The following ALPK1 variants were observed in gnomAD, a reference collection of about 807,000 sequenced individuals.
ALPK1 encodes alpha kinase 1.
ALPK1 carries 110 observed loss-of-function variants against 120.6 expected under a neutral mutation model. That is an observed-to-expected ratio of 0.91 (90% confidence interval 0.78 to 1.07). The LOEUF is 1.07. Ranked by LOEUF, ALPK1 falls within the 50% of genes least tolerant of loss-of-function variation. The pLI is 0.00. For missense variants in ALPK1, 1,498 were observed against 1,483.9 expected (o/e 1.01, Z -0.16); for synonymous variants, 582 against 560.3 (o/e 1.04, Z -0.55).
chr4:112,352,632 T>C (rs189770312), intron 2 of ALPK1: 1 of 152,336 alleles, frequency 6.6e-6, no homozygotes, highest in Non-Finnish European at 1.5e-5. Context: ...TGTATTATTT[T>C]TGTTTTTCTA....
chr4:112,355,894 G>A (rs1194208429), intron 2 of ALPK1, among the ~76,000 whole-genome samples: 5 of 152,246 alleles, frequency 3.3e-5, no homozygotes, highest in Non-Finnish European at 5.9e-5. Flanking sequence ...CGGTGGCAGC[G>A]CTCGACTGGA....
At chr4:112,417,590 A>G (rs538391052) in intron 5 of ALPK1, among the ~76,000 whole-genome samples, 2 of 152,192 alleles carry the variant, frequency 1.3e-5, no homozygotes, top group African/African-American at 4.8e-5. Flanking sequence ...AGGCCAAGCA[A>G]TCCTCCCACT....
intron 2 of ALPK1, among the ~76,000 whole-genome samples, chr4:112,326,435 A>C (rs576178726): frequency 1.3e-5 from 2 of 152,282 alleles, no homozygotes; most frequent in East Asian, 3.9e-4. Context: ...TTTCATTTAC[A>C]TCTGTAGGTA....
At chr4:112,422,393 T>C (rs575402857) in intron 5 of ALPK1, among the ~76,000 whole-genome samples, 2 of 152,280 alleles carry the variant, frequency 1.3e-5, no homozygotes, top group South Asian at 2.1e-4. Context: ...TTCCTGGGTA[T>C]CTCCCTAGCT....
At chr4:112,343,784 A>T (rs1022203634) in intron 2 of ALPK1, among the ~76,000 whole-genome samples, 3 of 121,308 alleles carry the variant, frequency 2.5e-5, no homozygotes, top group Non-Finnish European at 4.8e-5. Flanking sequence ...ATTGGCTGAG[A>T]CCACCAGAAT....
At chr4:112,388,282 T>C (rs916624023) in intron 4 of ALPK1, among the ~76,000 whole-genome samples, 1 of 152,214 alleles carries the variant, frequency 6.6e-6, no homozygotes, top group Non-Finnish European at 1.5e-5. Context: ...TATTGCAAGA[T>C]TGCAGAAAAT....
intron 2 of ALPK1, among the ~76,000 whole-genome samples, chr4:112,339,526 ACTTTT>A (rs1729767521): frequency 6.6e-6 from 1 of 152,188 alleles, no homozygotes; most frequent in South Asian, 2.1e-4. Flanking sequence ...TCTTTATAAC[ACTTTT>A]CTTTTAAAAA....
chr4:112,301,393 GC>G, intron 1 of ALPK1, among the ~76,000 whole-genome samples: 1 of 152,226 alleles, frequency 6.6e-6, no homozygotes, highest in African/African-American at 2.4e-5. Context: ...CTTGGTTTAG[GC>G]TTCTGAAGGC....
In ALPK1 at chr4:112,431,183, C is replaced by T. The variant is rs1388112183; in HGVS notation, c.1636C>T (p.Arg546Ter). Reference protein sequence around the residue: ...RRNWTHSDAFRVSLDQDVETE... With the variant: ...RRNWTHSDAF ...AAACTGGACCCATTCTGATGCATTTCGAGTCTCCTTGGATCAAGATGTGGA... is the reference window on the plus strand; with the variant it reads ...AAACTGGACCCATTCTGATGCATTTTGAGTCTCCTTGGATCAAGATGTGGA... The change falls in exon 11 of 16, where the codon CGA (arginine) becomes TGA (stop). Residue 546 changes from arginine (R) to a stop codon, truncating the protein, a stop_gained. Transcript: ENST00000650871. LOFTEE classifies it high-confidence loss of function. 1.7e-5 allele frequency: 27 copies of T among 1,614,052 alleles called. No individual in the cohort carries two copies. The highest frequency in any genetic ancestry group is 2.2e-5 in the Non-Finnish European group (26 of 1,180,042).
intron 2 of ALPK1, among the ~76,000 whole-genome samples, chr4:112,323,445 A>G (rs919198481): frequency 1.3e-5 from 2 of 152,146 alleles, no homozygotes; most frequent in Non-Finnish European, 2.9e-5. Flanking sequence ...TCATCCTTAT[A>G]TCACCTTACA....
chr4:112,385,545 T>G (rs1258905059), intron 4 of ALPK1, among the ~76,000 whole-genome samples: 1 of 152,164 alleles, frequency 6.6e-6, no homozygotes, highest in Non-Finnish European at 1.5e-5. Context: ...TCCTAATGAC[T>G]TTTAGGATGT....
At chr4:112,302,138 C>T (rs1054158957) in intron 1 of ALPK1, among the ~76,000 whole-genome samples, 1 of 152,154 alleles carries the variant, frequency 6.6e-6, no homozygotes, top group Non-Finnish European at 1.5e-5. Flanking sequence ...TCTGTCAAGA[C>T]CTCTAGGTGC....
Position 112,440,945 on chromosome 4 carries a change from C to T in ALPK1, c.3567C>T (p.Leu1189=). ...GGGTAACCGGTAATGGAAAAGGACT[C>T]ATCTACCTCACAGATCCCCAGATTC... is the stretch of plus-strand genomic sequence containing the variant. ...QGWVTGNGKG[L]IYLTDPQIHS... The change falls in exon 15 of 16, where the codon CTC becomes CTT. Residue 1189 remains leucine, a synonymous_variant. Coordinates refer to ENST00000650871, the MANE Select transcript of ALPK1 (RefSeq NM_025144.4). 6.2e-7 allele frequency: 1 copy of T among 1,613,334 alleles called. No homozygotes were observed. Among genetic ancestry groups the T allele is most frequent in the Non-Finnish European group, 8.5e-7 (1 of 1,179,670 alleles).
chr4:112,411,448 A>C lies in ALPK1; in HGVS notation c.277-379A>C, dbSNP rs536859924. ...CCATGTTGGCCAGGCTGGTCTCAAA[A>C]TCCAGGCCTCAAGAGATCCACACGC... is the stretch of plus-strand genomic sequence containing the variant. On this transcript the variant is annotated intron_variant, in intron 4 of 15. Transcript: ENST00000650871. 5.4e-5 allele frequency among the ~76,000 whole-genome samples: 8 copies of C among 149,336 alleles called. No homozygotes were observed. In the East Asian group the frequency reaches 1.6e-3, roughly 30 times the overall value.
Position 112,441,063 on chromosome 4 carries a change from T to C in ALPK1, c.3685T>C (p.Cys1229Arg). ...NNQHVECNEI[C>R]HRLSLTRPSM... ...CCAGCATGTGGAATGTAATGAAATC[T>C]GCCATCGTCTTTCTTTGACTAGACC... Residue 1229 changes from cysteine to arginine, a missense_variant, in exon 15 of 16, where the codon TGC becomes CGC. Physicochemically the swap from Cys to Arg is radical, Grantham distance 180 (BLOSUM62 -3). Transcript: ENST00000650871. 6.2e-7 allele frequency: 1 copy of C among 1,613,970 alleles called. No homozygotes were observed. Among genetic ancestry groups the C allele is most frequent in the Non-Finnish European group, 8.5e-7 (1 of 1,179,866 alleles).
chr4:112,376,219 G>A (rs762980708), intron 2 of ALPK1, among the ~76,000 whole-genome samples: 1 of 152,206 alleles, frequency 6.6e-6, no homozygotes, highest in Non-Finnish European at 1.5e-5. Context: ...CTTGCTCTTA[G>A]TGACTAATTC....
intron 4 of ALPK1, among the ~76,000 whole-genome samples, chr4:112,393,052 A>T (rs1482648124): frequency 6.6e-6 from 1 of 152,232 alleles, no homozygotes; most frequent in Non-Finnish European, 1.5e-5. Flanking sequence ...CAGATTGATG[A>T]AACACCTAAC....
At chr4:112,310,226 A>G (rs1728331788) in intron 1 of ALPK1, among the ~76,000 whole-genome samples, 1 of 152,122 alleles carries the variant, frequency 6.6e-6, no homozygotes, top group African/African-American at 2.4e-5. Context: ...TTGAAAAATT[A>G]ATTCATAAAT....
At chr4:112,334,154 C>T (rs1222283146) in intron 2 of ALPK1, among the ~76,000 whole-genome samples, 1 of 151,984 alleles carries the variant, frequency 6.6e-6, no homozygotes, top group African/African-American at 2.4e-5. Context: ...TTTTCCAGGC[C>T]AGGCTCAGTG....
Sources: gnomAD v4.1 joint callset for allele counts (sites outside exome capture counted in the v4.1 genomes callset) on GRCh38, gnomAD v4.1.1 for gene constraint, MANE v1.5 for transcripts, NCBI Gene and HGNC (gene_info 2026-07-23, HGNC 2026-07-21) for gene names.